Variants in EFHC1 observed in about 807,000 individuals in gnomAD.
The protein encoded by EFHC1 is EF-hand domain containing 1.
EFHC1 carries 53 observed loss-of-function variants against 69.9 expected under a neutral mutation model. That is an observed-to-expected ratio of 0.76 (90% CI 0.61 to 0.95). EFHC1 has a LOEUF of 0.95. Among genes scored for constraint, EFHC1 ranks in the 40% least tolerant of loss-of-function variants. EFHC1 has a pLI of 0.00. For missense variants in EFHC1, 739 were observed against 798.7 expected, an observed-to-expected ratio of 0.93 and a Z score of 0.90; for synonymous variants, 256 against 278.4, an observed-to-expected ratio of 0.92 and a Z score of 0.80.
chr6:52,468,032 C>G (rs1244017645), intron 6 of EFHC1, among the ~76,000 whole-genome samples: 1 of 152,198 alleles, frequency 6.6e-6, no homozygotes, highest in Non-Finnish European at 1.5e-5. Flanking sequence ...GTAAGTCAAG[C>G]TTCTCTGCTA....
chr6:52,458,237 G>A (rs943029107), intron 5 of EFHC1, among the ~76,000 whole-genome samples: 6 of 151,996 alleles, frequency 3.9e-5, no homozygotes, highest in East Asian at 1.9e-4. Context: ...AGACCTGGGC[G>A]ACAGAGTGAG....
chr6:52,447,235 A>G (rs1259121406), intron 3 of EFHC1, among the ~76,000 whole-genome samples: 1 of 152,182 alleles, frequency 6.6e-6, no homozygotes, highest in Non-Finnish European at 1.5e-5. Context: ...ACATAGTTCC[A>G]TATTTCTTGG....
At chr6:52,426,509 T>C (rs1024162786) in intron 2 of EFHC1, among the ~76,000 whole-genome samples, 2 of 152,202 alleles carry the variant, frequency 1.3e-5, no homozygotes, top group African/African-American at 4.8e-5. Flanking sequence ...TCACCCACTT[T>C]CGTGATTTCA....
intron 7 of EFHC1, among the ~76,000 whole-genome samples, chr6:52,472,490 T>C (rs1765458764): frequency 6.6e-6 from 1 of 152,034 alleles, no homozygotes; most frequent in African/African-American, 2.4e-5. Context: ...AATATACAAA[T>C]AGCAACAAAG....
At position 52,490,142 on chromosome 6, in the gene EFHC1, A is replaced by G. The variant is rs771160817; in HGVS notation, c.1643A>G (p.Lys548Arg). The stretch of plus-strand genomic sequence containing the variant: ...TCATTTCCTTCCTTTCTCTACAGCA[A>G]GCAAACTGAAAAGGATCCAGGCGTG... Reference protein sequence around the residue: ...REAPAPEAESKQTEKDPGVQE... With the variant: ...REAPAPEAESRQTEKDPGVQE... The change falls in exon 10 of 11, where the codon AAG (lysine) becomes AGG (arginine). Residue 548 changes from lysine (K) to arginine (R), a missense_variant and splice_region_variant. Transcript: ENST00000371068. The G allele has an allele frequency of 2.5e-6, 4 of 1,613,840 alleles. No homozygotes were observed. The highest frequency in any genetic ancestry group is 3.4e-6 in the Non-Finnish European group (4 of 1,179,832).
chr6:52,420,884 T>C, intron 1 of EFHC1: 1 of 433,886 alleles, frequency 2.3e-6, no homozygotes, highest in Non-Finnish European at 3.7e-6. Flanking sequence ...CATCATAACC[T>C]GTCTCCGTCC....
At chr6:52,451,080 A>G (rs576263554) in intron 3 of EFHC1, among the ~76,000 whole-genome samples, 2 of 152,224 alleles carry the variant, frequency 1.3e-5, no homozygotes, top group Admixed American at 6.5e-5. Context: ...GATTACAGGC[A>G]TGAGCCACCA....
intron 2 of EFHC1, among the ~76,000 whole-genome samples, chr6:52,435,794 C>G (rs635764): frequency 0.059 from 9,028 of 152,266 alleles, 486 homozygotes; most frequent in African/African-American, 0.14. Flanking sequence ...TAAAATCTTT[C>G]ACTCTTCAAG....
chr6:52,485,483 A>G (rs531022189), intron 9 of EFHC1: 1 of 151,852 alleles, frequency 6.6e-6, no homozygotes, highest in Non-Finnish European at 1.5e-5. Flanking sequence ...CTATGGTTTT[A>G]GATATGGTTT....
chr6:52,473,257 G>A (rs1321038603), intron 7 of EFHC1, among the ~76,000 whole-genome samples: 1 of 152,134 alleles, frequency 6.6e-6, no homozygotes, highest in African/African-American at 2.4e-5. Flanking sequence ...CTGCAGAGGG[G>A]CTGGGAAAGG....
In EFHC1 at chr6:52,430,780, C is replaced by T. The variant is rs148233492; in HGVS notation, c.285+6613C>T. ...ATCTTGTAGAATAGTGCCAATAGTA[C>T]CAGTTTTTCTTTGAATATCTGGTAG... is the stretch of plus-strand genomic sequence containing the variant. On this transcript the variant is annotated intron_variant, in intron 2 of 10. Coordinates refer to ENST00000371068, the MANE Select transcript of EFHC1 (RefSeq NM_018100.4). Among the ~76,000 whole-genome samples, 120 of 151,924 alleles carry T rather than the reference C, an allele frequency of 7.9e-4. 1 individual carries two copies. The highest frequency in any genetic ancestry group is 2.6e-3 in the African/African-American group (109 of 41,496).
At chr6:52,427,131 T>C (rs1177386890) in intron 2 of EFHC1, among the ~76,000 whole-genome samples, 8 of 152,232 alleles carry the variant, frequency 5.3e-5, no homozygotes, top group African/African-American at 1.9e-4. Context: ...CTTATTTTCA[T>C]CCTCACTATT....
rs60720755 is a variant in EFHC1 at position 52,493,386 on chromosome 6, T to TATATATATATATA, written c.*1045_*1046insATATATATATATA. 0.016 allele frequency: 1,895 copies of TATATATATATATA among 121,016 alleles called. 130 individuals carry two copies. Among genetic ancestry groups the TATATATATATATA allele is most frequent in the East Asian group, 0.065 (379 of 5,820 alleles). 7.5% of individuals were successfully genotyped at this position (121,016 alleles called of 1,614,324 possible). On this transcript the variant is annotated 3_prime_UTR_variant, in exon 11 of 11. Transcript: ENST00000371068. ...TCTACATATATATATATATATATAT[T>TATATATATATATA]TTATATGTACACATTCATACACACA...
intron 3 of EFHC1, among the ~76,000 whole-genome samples, chr6:52,449,706 C>T (rs909230092): frequency 2.6e-5 from 4 of 152,116 alleles, no homozygotes; most frequent in Admixed American, 2.6e-4. Flanking sequence ...TTATTTAGAT[C>T]TTCTCTCTTC....
At chr6:52,449,434 A>G (rs1037705956) in intron 3 of EFHC1, among the ~76,000 whole-genome samples, 1 of 151,506 alleles carries the variant, frequency 6.6e-6, no homozygotes, top group African/African-American at 2.4e-5. Flanking sequence ...GATAGAATTC[A>G]GCTGTGAATC....
chr6:52,450,778 G>T (rs931702783), intron 3 of EFHC1, among the ~76,000 whole-genome samples: 5 of 151,654 alleles, frequency 3.3e-5, no homozygotes, highest in East Asian at 1.9e-4. Context: ...CTGCATTGTG[G>T]TTTTTTTGTT....
At chr6:52,488,213 GC>G (rs1207802352) in intron 9 of EFHC1, 1 of 152,122 alleles carries the variant, frequency 6.6e-6, no homozygotes, top group Non-Finnish European at 1.5e-5. Context: ...ACTGCTTTCT[GC>G]CACTAAAATA....
rs1314797361 is a variant in EFHC1, at chr6:52,497,150, C to CTATT, written c.*4810_*4813dup. ...TTAAGAAAACCTCTTTTCCACTTTA[C>CTATT]TATTAAAGAGTCAAATAAAAATGAT... On this transcript the variant is annotated 3_prime_UTR_variant, in exon 11 of 11. Transcript: ENST00000371068. The CTATT allele has an allele frequency of 1.3e-5, 2 of 152,122 alleles. No individual in the cohort carries two copies. The highest frequency in any genetic ancestry group is 2.4e-5 in the African/African-American group (1 of 41,410). The allele number at this position is 152,122 out of a possible 1,614,324, so 9.4% of individuals were successfully genotyped here.
intron 8 of EFHC1, among the ~76,000 whole-genome samples, 182 bp from the exon 9 acceptor site, chr6:52,479,457 CG>C (rs1325538393): frequency 1.3e-5 from 2 of 152,190 alleles, no homozygotes; most frequent in Non-Finnish European, 2.9e-5. Flanking sequence ...CTACAGATGT[CG>C]ACAATAAGTT....
Sources: gnomAD v4.1 joint callset for allele counts (sites outside exome capture counted in the v4.1 genomes callset) on GRCh38, gnomAD v4.1.1 for gene constraint, MANE v1.5 for transcripts, NCBI Gene and HGNC (gene_info 2026-07-23, HGNC 2026-07-21) for gene names.